Variants in OSBP2 observed in about 807,000 individuals in gnomAD.
OSBP2 encodes oxysterol-binding protein 2.
A neutral mutation model predicts 96.0 loss-of-function variants in OSBP2; 66 were observed. That is an observed-to-expected ratio of 0.69 (90% CI 0.56 to 0.84). OSBP2 has a LOEUF of 0.84. OSBP2 is among the 40% of genes least tolerant of loss of function. The pLI, the probability that OSBP2 is intolerant of heterozygous loss-of-function variation, is 0.00. For missense variants in OSBP2, 1,038 were observed against 1,222.7 expected (o/e 0.85, Z 2.25); for synonymous variants, 525 against 520.9 (o/e 1.01, Z -0.11).
rs10084633 is a variant in OSBP2, at chr22:30,762,901, C to G, written c.853+21532C>G. On this transcript the variant is annotated intron_variant, in intron 2 of 13. Coordinates refer to ENST00000332585, the MANE Select transcript of OSBP2 (RefSeq NM_030758.4). Reference sequence around the variant, plus strand: ...CTAGAGCCTCAGAGTCCCCGCTTGTCAGTCCCCTAGAAGCTTCAATTCTGT... The same window carrying G: ...CTAGAGCCTCAGAGTCCCCGCTTGTGAGTCCCCTAGAAGCTTCAATTCTGT... Among the ~76,000 whole-genome samples, 1,003 of 152,304 alleles carry G rather than the reference C, an allele frequency of 6.6e-3. 11 individuals are homozygous for G. Among genetic ancestry groups the G allele is most frequent in the African/African-American group, 0.022 (911 of 41,564 alleles).
chr22:30,811,018 C>G (rs2090998612), intron 2 of OSBP2, among the ~76,000 whole-genome samples: 1 of 152,160 alleles, frequency 6.6e-6, no homozygotes, highest in Non-Finnish European at 1.5e-5. Context: ...TTTCAAGATT[C>G]TAAAATTTAT....
At chr22:30,751,612 C>T (rs2090074592) in intron 2 of OSBP2, among the ~76,000 whole-genome samples, 3 of 152,128 alleles carry the variant, frequency 2.0e-5, no homozygotes, top group African/African-American at 7.2e-5. Context: ...GCCTTGGCCT[C>T]CCAAAGTACT....
chr22:30,751,082 T>C (rs1302425859), intron 2 of OSBP2, among the ~76,000 whole-genome samples: 1 of 151,982 alleles, frequency 6.6e-6, no homozygotes, highest in Admixed American at 6.6e-5. Flanking sequence ...TTAGAAAAAA[T>C]TTAAATCTAC....
chr22:30,895,361 G>A (rs1045653853), intron 12 of OSBP2, among the ~76,000 whole-genome samples: 6 of 152,154 alleles, frequency 3.9e-5, no homozygotes, highest in South Asian at 2.1e-4. Flanking sequence ...GGCCTATAGC[G>A]TGCTGAAGAC....
chr22:30,752,036 G>T (rs1285596337), intron 2 of OSBP2, among the ~76,000 whole-genome samples: 5 of 152,142 alleles, frequency 3.3e-5, no homozygotes, highest in Admixed American at 1.3e-4. Context: ...TGGGACGGTA[G>T]CCCTTCCCTG....
intron 2 of OSBP2, among the ~76,000 whole-genome samples, chr22:30,853,952 G>A (rs2039028016): frequency 6.6e-6 from 1 of 151,706 alleles, no homozygotes; most frequent in Non-Finnish European, 1.5e-5. Context: ...GTAGAGACGG[G>A]GTTTCACCGT....
intron 1 of OSBP2, among the ~76,000 whole-genome samples, chr22:30,723,029 T>C (rs1602171607): frequency 6.6e-6 from 1 of 152,150 alleles, no homozygotes; most frequent in East Asian, 1.9e-4. Flanking sequence ...CAAGTGATCC[T>C]CCTGCCTCGA....
intron 2 of OSBP2, among the ~76,000 whole-genome samples, chr22:30,787,094 G>A (rs909136286): frequency 6.6e-6 from 1 of 152,048 alleles, no homozygotes; most frequent in Admixed American, 6.6e-5. Flanking sequence ...GACTGTGCCC[G>A]GTCAGGAAAG....
intron 2 of OSBP2, among the ~76,000 whole-genome samples, chr22:30,782,774 A>G (rs144980734): frequency 6.6e-6 from 1 of 152,246 alleles, no homozygotes; most frequent in African/African-American, 2.4e-5. Context: ...ATCTTGGGTA[A>G]ATATTTAGGA....
rs932087452 is a variant in OSBP2 at position 30,741,256 on chromosome 22, G to A, written c.740G>A (p.Ser247Asn). Residue 247 changes from serine to asparagine, a missense_variant, in exon 2 of 14, where the codon AGT becomes AAT. Around this residue, in one of 3 missense-constraint regions of OSBP2, gnomAD observed 737 missense variants for 913.3 expected, o/e 0.81. Coordinates refer to ENST00000332585, the MANE Select transcript of OSBP2 (RefSeq NM_030758.4). ...TEDSCGILLT[S>N]GARSYHLKAS... ...GACTCTTGTGGTATCTTGCTGACCAGTGGGGCCAGGAGCTACCACCTCAAG... is the reference window on the plus strand; with the variant it reads ...GACTCTTGTGGTATCTTGCTGACCAATGGGGCCAGGAGCTACCACCTCAAG... 1 of 1,613,952 alleles carries A rather than the reference G, an allele frequency of 6.2e-7. No homozygotes were observed. Among genetic ancestry groups the A allele is most frequent in the African/African-American group, 1.3e-5 (1 of 74,944 alleles).
intron 2 of OSBP2, among the ~76,000 whole-genome samples, chr22:30,829,624 C>T (rs2038481721): frequency 6.6e-6 from 1 of 152,322 alleles, no homozygotes; most frequent in Non-Finnish European, 1.5e-5. Flanking sequence ...CGGGCCCTTA[C>T]CTCTACTTAT....
rs2040341453 is a variant in OSBP2, at chr22:30,906,560, C to T, written c.*221C>T. ...CCAGCCCCCAGGTGCGCCGGGTCAC[C>T]CGTGCCCCTTCATTATGGACCTGGG... On this transcript the variant is annotated 3_prime_UTR_variant, in exon 14 of 14. Coordinates refer to ENST00000332585, the MANE Select transcript of OSBP2 (RefSeq NM_030758.4). 2 of 489,798 alleles carry T rather than the reference C, an allele frequency of 4.1e-6. No individual in the cohort carries two copies. The highest frequency in any genetic ancestry group is 6.9e-6 in the Non-Finnish European group (2 of 288,496). 30.3% of individuals were successfully genotyped at this position (489,798 alleles called of 1,614,324 possible).
chr22:30,873,245 T>C (rs1483388593), intron 3 of OSBP2, among the ~76,000 whole-genome samples: 1 of 152,152 alleles, frequency 6.6e-6, no homozygotes, highest in Non-Finnish European at 1.5e-5. Context: ...ATTCTCTCAT[T>C]ACCTCAAAGA....
At chr22:30,802,163 T>C (rs974474922) in intron 2 of OSBP2, among the ~76,000 whole-genome samples, 2 of 152,232 alleles carry the variant, frequency 1.3e-5, no homozygotes. Context: ...TCAGGTGGCC[T>C]GGGTCATGTT....
chr22:30,903,387 T>A (rs2040257721), intron 12 of OSBP2, among the ~76,000 whole-genome samples: 1 of 152,218 alleles, frequency 6.6e-6, no homozygotes, highest in Non-Finnish European at 1.5e-5. Context: ...CAGGGTCCTT[T>A]CCATTCCTAT....
chr22:30,694,109 A>AT (rs1380962797), upstream of OSBP2: 1 of 1,547,568 alleles, frequency 6.5e-7, no homozygotes, highest in East Asian at 2.4e-5. Flanking sequence ...CTGCCAGCCT[A>AT]CCCAGGGATC....
At chr22:30,888,940 C>T (rs2039879992) in intron 5 of OSBP2, among the ~76,000 whole-genome samples, 1 of 152,128 alleles carries the variant, frequency 6.6e-6, no homozygotes. Flanking sequence ...ATTTGTGTAT[C>T]TAAACATAGA....
chr22:30,697,187 G>C (rs966982207), intron 1 of OSBP2, among the ~76,000 whole-genome samples: 3 of 152,214 alleles, frequency 2.0e-5, no homozygotes, highest in Non-Finnish European at 4.4e-5. Flanking sequence ...TATAAGTATA[G>C]TCTCCCACAG....
intron 2 of OSBP2, among the ~76,000 whole-genome samples, chr22:30,776,230 A>G (rs1034864964): frequency 3.3e-5 from 5 of 151,352 alleles, no homozygotes; most frequent in South Asian, 2.1e-4. Flanking sequence ...GGCTCAAGCA[A>G]TCCTCCCACT....
Sources: gnomAD v4.1 joint callset for allele counts (sites outside exome capture counted in the v4.1 genomes callset) on GRCh38, gnomAD v4.1.1 for gene constraint, gnomAD v4.1.1 regional missense constraint, MANE v1.5 for transcripts, NCBI Gene and HGNC (gene_info 2026-07-23, HGNC 2026-07-21) for gene names.